Variants in EYS observed in about 807,000 individuals in gnomAD.
The protein encoded by EYS is EGF-like photoreceptor maintenance factor.
A neutral mutation model predicts 282.1 loss-of-function variants in EYS; 250 were observed. That is an observed-to-expected ratio of 0.89 (90% CI 0.80 to 0.98). The LOEUF (loss-of-function observed/expected upper bound fraction) is 0.98, where lower values mean the gene tolerates loss of function less well. EYS is among the 50% of genes least tolerant of loss of function. The probability of loss-of-function intolerance (pLI) is 0.00; values close to 1 mark genes in which losing one functional copy is unlikely to be tolerated. For synonymous variants in EYS, 1,355 were observed against 1,282.9 expected (o/e 1.06, Z -1.20); for missense variants, 4,016 against 3,709.0 (o/e 1.08, Z -2.15).
chr6:65,683,633 G>T (rs1768907173), intron 1 of EYS, among the ~76,000 whole-genome samples: 1 of 151,966 alleles, frequency 6.6e-6, no homozygotes, highest in Admixed American at 6.6e-5. Flanking sequence ...CTTGTATTTA[G>T]GGTCCATGTT....
chr6:65,517,354 A>G (rs904934566), intron 2 of EYS, among the ~76,000 whole-genome samples: 1 of 150,386 alleles, frequency 6.6e-6, no homozygotes, highest in Non-Finnish European at 1.5e-5. Context: ...AAAAAAAACA[A>G]AAGCTCAAAC....
chr6:65,670,938 C>A (rs902164729), intron 1 of EYS, among the ~76,000 whole-genome samples: 1 of 151,546 alleles, frequency 6.6e-6, no homozygotes, highest in Non-Finnish European at 1.5e-5. Context: ...ACACATTTAA[C>A]AACCCATCTT....
intron 5 of EYS, among the ~76,000 whole-genome samples, chr6:65,419,872 C>T (rs1194720224): frequency 6.6e-6 from 1 of 151,880 alleles, no homozygotes; most frequent in Non-Finnish European, 1.5e-5. Context: ...GTTTTGGCTT[C>T]CCAATGCATA....
intron 24 of EYS, among the ~76,000 whole-genome samples, chr6:64,597,055 C>A (rs2149835696): frequency 6.6e-6 from 1 of 152,032 alleles, no homozygotes; most frequent in South Asian, 2.1e-4. Flanking sequence ...GGACAAGGGG[C>A]ATGAATAGGC....
intron 36 of EYS, among the ~76,000 whole-genome samples, chr6:63,848,291 G>A (rs1011463858): frequency 2.0e-5 from 3 of 152,006 alleles, no homozygotes; most frequent in Non-Finnish European, 4.4e-5. Flanking sequence ...CTGTTAGTAT[G>A]AGCTTAGAGA....
At chr6:64,283,601 A>G (rs188121316) in intron 30 of EYS, among the ~76,000 whole-genome samples, 1 of 152,304 alleles carries the variant, frequency 6.6e-6, no homozygotes, top group Admixed American at 6.5e-5. Context: ...AGTAACTCAC[A>G]AGCTGGAGGG....
intron 24 of EYS, among the ~76,000 whole-genome samples, chr6:64,614,553 G>T (rs925637942): frequency 6.6e-6 from 1 of 152,018 alleles, no homozygotes; most frequent in Non-Finnish European, 1.5e-5. Context: ...ATGAAAACAC[G>T]TATACAGATG....
intron 29 of EYS, among the ~76,000 whole-genome samples, chr6:64,360,078 A>T (rs1338590550): frequency 6.6e-6 from 1 of 151,704 alleles, no homozygotes; most frequent in Admixed American, 6.6e-5. Context: ...TATCACTTTA[A>T]AAAGAAAAAC....
At chr6:64,839,675 G>A (rs1765502926) in intron 19 of EYS, among the ~76,000 whole-genome samples, 1 of 151,884 alleles carries the variant, frequency 6.6e-6, no homozygotes. Context: ...TCCCAATTAT[G>A]GAGGCTATAA....
chr6:63,755,552 G>A (rs566962816), intron 41 of EYS, among the ~76,000 whole-genome samples: 8 of 152,306 alleles, frequency 5.3e-5, no homozygotes, highest in Admixed American at 4.6e-4. Context: ...CCAGTTTGAA[G>A]TCAGGTAGTG....
intron 26 of EYS, among the ~76,000 whole-genome samples, chr6:64,536,417 T>C (rs908395878): frequency 6.6e-6 from 1 of 152,204 alleles, no homozygotes; most frequent in African/African-American, 2.4e-5. Context: ...CTTCACAACA[T>C]TATGACGACA....
intron 2 of EYS, among the ~76,000 whole-genome samples, chr6:65,620,292 T>C (rs1475517915): frequency 6.6e-6 from 1 of 152,210 alleles, no homozygotes. Flanking sequence ...GGAGGGTGTA[T>C]GTGTCGAGGA....
At chr6:64,929,679 G>A (rs371100326) in intron 15 of EYS, among the ~76,000 whole-genome samples, 2 of 152,178 alleles carry the variant, frequency 1.3e-5, no homozygotes, top group African/African-American at 4.8e-5. Flanking sequence ...AACTACATGA[G>A]GTTCCAACTT....
chr6:64,196,645 CAAA>C (rs999225884), intron 31 of EYS, among the ~76,000 whole-genome samples: 1 of 150,242 alleles, frequency 6.7e-6, no homozygotes, highest in Non-Finnish European at 1.5e-5. Flanking sequence ...ATCACAAGAA[CAAA>C]AAACCAAACA....
chr6:64,729,415 A>C lies in EYS; in HGVS notation c.3443+83963T>G, dbSNP rs558547764. 8.5e-5 allele frequency among the ~76,000 whole-genome samples: 13 copies of C among 152,320 alleles called. No individual in the cohort carries two copies. The South Asian group carries it at 2.7e-3, about 32-fold the overall frequency. ...TTCTAATGGGATGATAGTGGAAATT[A>C]TGTGAGTAGAATTTGAAATGTGCTT... On this transcript the variant is annotated intron_variant, in intron 22 of 42. Coordinates refer to ENST00000503581, the MANE Select transcript of EYS (RefSeq NM_001142800.2).
In EYS at chr6:64,857,790, T is replaced by A. The variant is rs530374495; in HGVS notation, c.2992+28907A>T. Among the ~76,000 whole-genome samples, 77 of 152,270 alleles carry A rather than the reference T, an allele frequency of 5.1e-4. 1 individual carries two copies. Among genetic ancestry groups the A allele is most frequent in the African/African-American group, 1.8e-3 (74 of 41,578 alleles). On this transcript the variant is annotated intron_variant, in intron 19 of 42. Transcript: ENST00000503581. ...CATTGGTTCTCTTTCTTTTTTGTTT[T>A]AAATAAAAGCCATTCTAATGAGAGA...
At chr6:64,242,091 G>C (rs1273815064) in intron 30 of EYS, among the ~76,000 whole-genome samples, 1 of 152,080 alleles carries the variant, frequency 6.6e-6, no homozygotes, top group Admixed American at 6.6e-5. Flanking sequence ...CAATTACGTG[G>C]TCAATTTGAG....
intron 13 of EYS, among the ~76,000 whole-genome samples, chr6:65,016,266 T>G (rs1772047017): frequency 6.6e-6 from 1 of 152,126 alleles, no homozygotes; most frequent in African/African-American, 2.4e-5. Flanking sequence ...GTACGTTACT[T>G]TCAAATGTAT....
At chr6:64,368,988 T>G (rs1164747765) in intron 29 of EYS, among the ~76,000 whole-genome samples, 3 of 152,168 alleles carry the variant, frequency 2.0e-5, no homozygotes, top group African/African-American at 7.2e-5. Context: ...AGGTCCTATG[T>G]TGAGAATGGT....
Sources: gnomAD v4.1 joint callset for allele counts (sites outside exome capture counted in the v4.1 genomes callset) on GRCh38, gnomAD v4.1.1 for gene constraint, MANE v1.5 for transcripts, NCBI Gene and HGNC (gene_info 2026-07-23, HGNC 2026-07-21) for gene names.